Variants in CFTR observed in about 807,000 individuals in gnomAD.
CFTR encodes CF transmembrane conductance regulator.
Under a neutral mutation model 171.6 loss-of-function variants are expected in CFTR, and 181 were observed. The ratio of observed to expected loss-of-function variants is 1.05; its 90% confidence interval spans 0.93 to 1.19. The LOEUF (loss-of-function observed/expected upper bound fraction) is 1.19. Among genes scored for constraint, CFTR ranks in the 50% most tolerant of loss-of-function variants. CFTR has a pLI of 0.00. For missense variants in CFTR, 1,968 were observed against 1,734.7 expected, an observed-to-expected ratio of 1.13 and a Z score of -2.39; for synonymous variants, 583 against 608.0, an observed-to-expected ratio of 0.96 and a Z score of 0.60.
At chr7:117,569,089 A>C (rs1019718103) in intron 11 of CFTR, among the ~76,000 whole-genome samples, 1 of 152,232 alleles carries the variant, frequency 6.6e-6, no homozygotes, top group Admixed American at 6.5e-5. Flanking sequence ...GGAAACAGAC[A>C]TCAGGTATTC....
At chr7:117,583,274 A>C (rs1333051955) in intron 11 of CFTR, among the ~76,000 whole-genome samples, 1 of 151,852 alleles carries the variant, frequency 6.6e-6, no homozygotes, top group African/African-American at 2.4e-5. Context: ...TATACCCATC[A>C]CCTGAGCAGT....
intron 22 of CFTR, among the ~76,000 whole-genome samples, chr7:117,637,569 A>G (rs36042090): frequency 0.071 from 10,744 of 152,098 alleles, 596 homozygotes; most frequent in African/African-American, 0.15. Flanking sequence ...GAGGGCAGGC[A>G]TTGTTATAAG....
chr7:117,548,735 T>G lies in CFTR; in HGVS notation c.1304T>G (p.Leu435Arg). 1 of 1,613,222 alleles carries G rather than the reference T, an allele frequency of 6.2e-7. No individual in the cohort carries two copies. Among genetic ancestry groups the G allele is most frequent in the Non-Finnish European group, 8.5e-7 (1 of 1,179,502 alleles). Residue 435 changes from leucine to arginine, a missense_variant, in exon 10 of 27, where the codon CTT becomes CGT. Leu to Arg is a moderately radical substitution (Grantham distance 102). Transcript: ENST00000003084. ...DDSLFFSNFSLLGTPVLKDIN... is the reference protein window; with the variant it reads ...DDSLFFSNFSRLGTPVLKDIN... ...AGCCTCTTCTTCAGTAATTTCTCAC[T>G]TCTTGGTACTCCTGTCCTGAAAGAT...
intron 19 of CFTR, 115 bp from the exon 20 acceptor site, chr7:117,611,466 C>A: frequency 1.4e-6 from 1 of 732,334 alleles, no homozygotes; most frequent in South Asian, 1.6e-5. Context: ...GCTTTTTAAC[C>A]AATGACATTT....
intron 1 of CFTR, among the ~76,000 whole-genome samples, chr7:117,493,572 C>T (rs1798194306): frequency 6.6e-6 from 1 of 152,060 alleles, no homozygotes; most frequent in East Asian, 1.9e-4. Flanking sequence ...CTATTGATCT[C>T]CCTCCCAGTG....
At chr7:117,627,189 A>T (rs1018815498) in intron 21 of CFTR, among the ~76,000 whole-genome samples, 1 of 152,130 alleles carries the variant, frequency 6.6e-6, no homozygotes, top group Non-Finnish European at 1.5e-5. Context: ...TATACCGGTT[A>T]TACAGCATTG....
intron 10 of CFTR, among the ~76,000 whole-genome samples, chr7:117,555,663 A>G (rs780447068): frequency 2.6e-5 from 4 of 152,240 alleles, no homozygotes; most frequent in Non-Finnish European, 5.9e-5. Flanking sequence ...GTTGCTTGGT[A>G]TTTACCATAT....
intron 1 of CFTR, among the ~76,000 whole-genome samples, chr7:117,480,765 A>C (rs1490504963): frequency 6.6e-6 from 1 of 152,242 alleles, no homozygotes; most frequent in Admixed American, 6.5e-5. Flanking sequence ...TAAAAGCCAT[A>C]GGAATAGATA....
chr7:117,619,898 G>T (rs909444891), intron 21 of CFTR, among the ~76,000 whole-genome samples: 1 of 150,344 alleles, frequency 6.7e-6, no homozygotes, highest in Non-Finnish European at 1.5e-5. Flanking sequence ...TTTACTGCCT[G>T]TGTTTGTTTT....
chr7:117,666,162 C>A (rs780406261), intron 26 of CFTR, among the ~76,000 whole-genome samples: 9 of 152,106 alleles, frequency 5.9e-5, no homozygotes, highest in Non-Finnish European at 1.0e-4. Context: ...AATTCAAGAC[C>A]AGCCCAGGCA....
chr7:117,531,015 C>T lies in CFTR; in HGVS notation c.390C>T (p.Leu130=), dbSNP rs1411911535. ...ATCTAGGCATAGGCTTATGCCTTCT[C>T]TTTATTGTGAGGACACTGCTCCTAC... ...AIYLGIGLCL[L]FIVRTLLLHP... The change falls in exon 4 of 27, where the codon CTC becomes CTT. Residue 130 remains leucine (L), a synonymous_variant. Coordinates refer to ENST00000003084, the MANE Select transcript of CFTR (RefSeq NM_000492.4). 6.2e-7 allele frequency: 1 copy of T among 1,613,776 alleles called. No homozygotes were observed. Among genetic ancestry groups the T allele is most frequent in the Admixed American group, 1.7e-5 (1 of 59,912 alleles).
intron 5 of CFTR, among the ~76,000 whole-genome samples, chr7:117,534,641 A>C (rs1358239677): frequency 1.3e-5 from 2 of 152,178 alleles, no homozygotes; most frequent in African/African-American, 4.8e-5. Flanking sequence ...AAAACTTTAA[A>C]TCTGTTATGT....
chr7:117,650,035 A>G (rs1793065278), intron 23 of CFTR, among the ~76,000 whole-genome samples: 1 of 152,080 alleles, frequency 6.6e-6, no homozygotes, highest in South Asian at 2.1e-4. Flanking sequence ...AAGAGAAGAG[A>G]ATGGAGAAGG....
chr7:117,499,899 G>T (rs972950857), intron 1 of CFTR, among the ~76,000 whole-genome samples: 1 of 152,110 alleles, frequency 6.6e-6, no homozygotes, highest in African/African-American at 2.4e-5. Flanking sequence ...AATATGTAGT[G>T]GCTATGAATG....
chr7:117,612,017 A>ATATG lies in CFTR; in HGVS notation c.3367+212_3367+213insGTAT, dbSNP rs1315522496. Among the ~76,000 whole-genome samples, 89 of 45,232 alleles carry ATATG rather than the reference A, an allele frequency of 2.0e-3. No homozygotes were observed. In the South Asian group the frequency reaches 0.05, roughly 25 times the overall value. 29.7% of individuals were successfully genotyped at this position (45,232 alleles called of 152,430 possible). On this transcript the variant is annotated intron_variant, in intron 20 of 26. Transcript: ENST00000003084. Reference sequence around the variant, plus strand: ...TTTCCTTGAAATCGGATATATATATATATATGTATATATATATATATATAT... The same window carrying ATATG: ...TTTCCTTGAAATCGGATATATATATATATGTATATGTATATATATATATATATAT...
intron 10 of CFTR, among the ~76,000 whole-genome samples, chr7:117,549,868 A>C (rs1299441153): frequency 6.6e-6 from 1 of 152,194 alleles, no homozygotes; most frequent in African/African-American, 2.4e-5. Flanking sequence ...GAAGGAAGGA[A>C]GTAAGAGGGA....
chr7:117,667,412 G>C lies in CFTR; in HGVS notation c.*304G>C. 1 of 387,632 alleles carries C rather than the reference G, an allele frequency of 2.6e-6. No individual in the cohort carries two copies. The highest frequency in any genetic ancestry group is 2.1e-5 in the South Asian group (1 of 46,658). The allele number at this position is 387,632 out of a possible 1,614,324, so 24.0% of individuals were successfully genotyped here. ...AACCCTTGCCATGTGCTAGTAATTG[G>C]AAAGGCAGCTCTAAATGTCAATCAG... On this transcript the variant is annotated 3_prime_UTR_variant, in exon 27 of 27. Transcript: ENST00000003084.
At chr7:117,483,215 C>T (rs1287508150) in intron 1 of CFTR, among the ~76,000 whole-genome samples, 1 of 152,182 alleles carries the variant, frequency 6.6e-6, no homozygotes, top group Non-Finnish European at 1.5e-5. Context: ...AAAAACCACA[C>T]TCCTATTCTA....
chr7:117,492,224 A>C (rs1798170806), intron 1 of CFTR, among the ~76,000 whole-genome samples: 1 of 152,074 alleles, frequency 6.6e-6, no homozygotes, highest in Non-Finnish European at 1.5e-5. Flanking sequence ...GTTGGCTGGA[A>C]GTTTTAGGAT....
Sources: gnomAD v4.1 joint callset for allele counts (sites outside exome capture counted in the v4.1 genomes callset) on GRCh38, gnomAD v4.1.1 for gene constraint, MANE v1.5 for transcripts, NCBI Gene and HGNC (gene_info 2026-07-23, HGNC 2026-07-21) for gene names.